The following RUNX1 variants were observed in gnomAD, a reference collection of about 807,000 sequenced individuals.
RUNX1 encodes RUNX family transcription factor 1, also known as runt-related transcription factor 1.
Under a neutral mutation model 42.8 loss-of-function variants are expected in RUNX1, and 19 were observed. The ratio of observed to expected loss-of-function variants is 0.44; its 90% CI spans 0.31 to 0.65. The LOEUF (loss-of-function observed/expected upper bound fraction) is 0.65, where lower values mean the gene tolerates loss of function less well. RUNX1 is among the 30% of genes least tolerant of loss of function. The pLI is 0.07. For missense variants in RUNX1, 528 were observed against 672.0 expected, an observed-to-expected ratio of 0.79 and a Z score of 2.37; for synonymous variants, 271 against 289.4, an observed-to-expected ratio of 0.94 and a Z score of 0.64.
At chr21:34,822,663 A>C (rs2146007155) in intron 7 of RUNX1, among the ~76,000 whole-genome samples, 1 of 152,320 alleles carries the variant, frequency 6.6e-6, no homozygotes, top group Admixed American at 6.5e-5. Context: ...CGGCCTTGAG[A>C]TGAGAGAGCT....
chr21:34,838,008 G>A (rs927392005), intron 6 of RUNX1, among the ~76,000 whole-genome samples: 1 of 152,164 alleles, frequency 6.6e-6, no homozygotes, highest in Non-Finnish European at 1.5e-5. Context: ...ATAAAAATAA[G>A]TCAATGCCGT....
chr21:34,958,326 GCTC>G (rs2058659617), intron 2 of RUNX1, among the ~76,000 whole-genome samples: 1 of 152,006 alleles, frequency 6.6e-6, no homozygotes, highest in Non-Finnish European at 1.5e-5. Flanking sequence ...GTCCTTCCTT[GCTC>G]TAAAGACTCA....
Position 34,993,993 on chromosome 21 carries a change from T to A in RUNX1, c.58+54849A>T, listed in dbSNP as rs982165209. On this transcript the variant is annotated intron_variant, in intron 2 of 8. Coordinates refer to ENST00000675419, the MANE Select transcript of RUNX1 (RefSeq NM_001754.5). The stretch of plus-strand genomic sequence containing the variant: ...TTCATATCCTTTGAAGTCAAGCAAG[T>A]GGTTTTGGGGAAAGGGTTGTTCCCT... 3.3e-5 allele frequency among the ~76,000 whole-genome samples: 5 copies of A among 152,330 alleles called. 1 individual carries two copies. In the South Asian group the frequency reaches 1.0e-3, roughly 32 times the overall value.
intron 2 of RUNX1, among the ~76,000 whole-genome samples, chr21:34,982,033 C>T (rs1174443379): frequency 1.3e-5 from 2 of 152,172 alleles, no homozygotes; most frequent in African/African-American, 4.8e-5. Flanking sequence ...GTTCGCTGGG[C>T]ACATTCGTTA....
intron 2 of RUNX1, among the ~76,000 whole-genome samples, chr21:34,926,740 G>A (rs567305552): frequency 6.6e-6 from 1 of 152,084 alleles, no homozygotes; most frequent in Non-Finnish European, 1.5e-5. Context: ...AATGCAATAA[G>A]AACTGAAGAT....
At chr21:34,854,922 C>A (rs2057475376) in intron 6 of RUNX1, among the ~76,000 whole-genome samples, 1 of 152,164 alleles carries the variant, frequency 6.6e-6, no homozygotes, top group African/African-American at 2.4e-5. Flanking sequence ...TCCAAAATTA[C>A]AGCCAGCTCT....
rs1015167402 is a variant in RUNX1, at chr21:34,889,839, A to C, written c.98-2743T>G. 14 of 1,108,170 alleles carry C rather than the reference A, an allele frequency of 1.3e-5. No individual in the cohort carries two copies. In the East Asian group the frequency reaches 6.3e-4, roughly 50 times the overall value. The allele number at this position is 1,108,170 out of a possible 1,614,324, so 68.6% of individuals were successfully genotyped here. A position where few individuals can be genotyped will look rare whatever the true frequency, so the allele number is the denominator to read the frequency against. The stretch of plus-strand genomic sequence containing the variant: ...CCCAGCGGAGGCTGCTCCCGTCACC[A>C]TGAGTCCCTCCACGCCCTCCCTGCC... On this transcript the variant is annotated intron_variant, in intron 3 of 8. Coordinates refer to ENST00000675419, the MANE Select transcript of RUNX1 (RefSeq NM_001754.5).
chr21:35,021,366 G>T (rs995880914), intron 2 of RUNX1, among the ~76,000 whole-genome samples: 2 of 152,104 alleles, frequency 1.3e-5, no homozygotes, highest in African/African-American at 4.8e-5. Flanking sequence ...CTAAATAAAT[G>T]GTCTTAACTT....
intron 5 of RUNX1, among the ~76,000 whole-genome samples, chr21:34,868,149 AGAGGGAAGCTT>A (rs2057689596): frequency 1.3e-5 from 2 of 152,154 alleles, no homozygotes; most frequent in Non-Finnish European, 2.9e-5. Flanking sequence ...GAGAGGGAAG[AGAGGGAAGCTT>A]GAGGCAAGCT....
intron 2 of RUNX1, among the ~76,000 whole-genome samples, chr21:35,026,290 A>C (rs755122167): frequency 1.1e-4 from 16 of 152,210 alleles, no homozygotes; most frequent in Non-Finnish European, 2.1e-4. Context: ...ACCTGTGGTT[A>C]CCCACTGACT....
intron 7 of RUNX1, among the ~76,000 whole-genome samples, chr21:34,811,548 T>G (rs1319616010): frequency 6.6e-6 from 1 of 152,222 alleles, no homozygotes; most frequent in African/African-American, 2.4e-5. Context: ...CTCTATGTGA[T>G]TCCCTGGCTG....
chr21:34,917,204 G>C (rs1160477548), intron 2 of RUNX1, among the ~76,000 whole-genome samples: 2 of 152,188 alleles, frequency 1.3e-5, no homozygotes, highest in African/African-American at 4.8e-5. Context: ...AGAATGAGTA[G>C]GCAGAGATTG....
In RUNX1 at chr21:34,959,219, C is replaced by CAA. The variant is rs199674526; in HGVS notation, c.59-66258_59-66257dup. ...GTATAATAATAAAAAAAGACATATCCAAAAAAAAAAAGACTCAATGTTTTT... is the reference window on the plus strand; with the variant it reads ...GTATAATAATAAAAAAAGACATATCCAAAAAAAAAAAAAGACTCAATGTTTTT... On this transcript the variant is annotated intron_variant, in intron 2 of 8. Coordinates refer to ENST00000675419, the MANE Select transcript of RUNX1 (RefSeq NM_001754.5). 5.8e-3 allele frequency among the ~76,000 whole-genome samples: 837 copies of CAA among 143,720 alleles called. 5 individuals carry two copies. Among genetic ancestry groups the CAA allele is most frequent in the African/African-American group, 0.02 (802 of 39,450 alleles). 94.3% of individuals were successfully genotyped at this position (143,720 alleles called of 152,430 possible). A position where few individuals can be genotyped will look rare whatever the true frequency, so the allele number is the denominator to read the frequency against.
intron 2 of RUNX1, among the ~76,000 whole-genome samples, chr21:34,913,109 G>T (rs1006271929): frequency 6.6e-6 from 1 of 152,200 alleles, no homozygotes; most frequent in East Asian, 1.9e-4. Flanking sequence ...GTGGGCACCT[G>T]TAATCCCAGC....
intron 2 of RUNX1, among the ~76,000 whole-genome samples, chr21:34,997,317 T>C (rs1460895183): frequency 1.3e-5 from 2 of 152,244 alleles, no homozygotes; most frequent in African/African-American, 4.8e-5. Flanking sequence ...TTTTTCAAAC[T>C]GAGTGCCTCA....
chr21:34,989,101 C>T (rs1173860627), intron 2 of RUNX1, among the ~76,000 whole-genome samples: 2 of 151,928 alleles, frequency 1.3e-5, no homozygotes, highest in Non-Finnish European at 2.9e-5. Flanking sequence ...CTTCACCTTC[C>T]ACGTTCAAGC....
chr21:34,991,237 C>T (rs773965142), intron 2 of RUNX1, among the ~76,000 whole-genome samples: 14 of 152,190 alleles, frequency 9.2e-5, no homozygotes, highest in Non-Finnish European at 1.8e-4. Flanking sequence ...GCCCCTAGAT[C>T]CCTGGACATG....
At chr21:34,868,611 T>A (rs867106859) in intron 5 of RUNX1, among the ~76,000 whole-genome samples, 1 of 152,170 alleles carries the variant, frequency 6.6e-6, no homozygotes, top group African/African-American at 2.4e-5. Flanking sequence ...CACCTGCAGG[T>A]CTCAAGTGAA....
chr21:34,979,150 A>T (rs2058827195), intron 2 of RUNX1, among the ~76,000 whole-genome samples: 1 of 152,206 alleles, frequency 6.6e-6, no homozygotes, highest in Non-Finnish European at 1.5e-5. Flanking sequence ...AGGATGCTGC[A>T]TATATTCCCA....
Sources: allele counts gnomAD v4.1 joint callset (sites outside exome capture counted in the v4.1 genomes callset), GRCh38; gene constraint gnomAD v4.1.1; transcripts MANE v1.5; gene names NCBI Gene and HGNC (gene_info 2026-07-23, HGNC 2026-07-21).